The following CCDC3 variants were observed in gnomAD, a reference collection of about 807,000 sequenced individuals.
CCDC3 encodes the protein coiled-coil domain containing 3, also known as coiled-coil domain-containing protein 3.
CCDC3 carries 24 observed loss-of-function variants against 21.4 expected under a neutral mutation model. The observed-to-expected ratio is 1.12, with a 90% CI of 0.81 to 1.58. CCDC3 has a LOEUF of 1.58. Ranked by LOEUF, CCDC3 falls within the 40% of genes most tolerant of loss-of-function variation. The probability of loss-of-function intolerance (pLI) is 0.00; values close to 1 mark genes in which losing one functional copy is unlikely to be tolerated. For synonymous variants in CCDC3, 186 were observed against 166.0 expected, an observed-to-expected ratio of 1.12 and a Z score of -0.93; for missense variants, 425 against 360.9, an observed-to-expected ratio of 1.18 and a Z score of -1.44.
chr10:12,938,909 T>C (rs149733349), intron 2 of CCDC3, among the ~76,000 whole-genome samples: 20 of 152,330 alleles, frequency 1.3e-4, no homozygotes, highest in African/African-American at 4.8e-4. Context: ...TGCGTTCTGG[T>C]CCATAGCCCC....
chr10:12,988,782 T>C (rs1260843609), intron 2 of CCDC3, among the ~76,000 whole-genome samples: 1 of 152,192 alleles, frequency 6.6e-6, no homozygotes, highest in Non-Finnish European at 1.5e-5. Flanking sequence ...AGCTCTTTTC[T>C]CCTGTTCCCT....
At chr10:13,020,987 T>C (rs1158332061) in intron 5 of CCDC3, among the ~76,000 whole-genome samples, 1 of 152,256 alleles carries the variant, frequency 6.6e-6, no homozygotes, top group Non-Finnish European at 1.5e-5. Flanking sequence ...AATGAATGAA[T>C]GAATCAATAT....
intron 5 of CCDC3, among the ~76,000 whole-genome samples, chr10:13,030,197 A>T (rs917126020): frequency 1.3e-5 from 2 of 152,206 alleles, no homozygotes; most frequent in Non-Finnish European, 2.9e-5. Context: ...CAACATTCTT[A>T]AAGAAAAGAA....
chr10:12,931,141 G>A (rs1362758736), intron 2 of CCDC3, among the ~76,000 whole-genome samples: 3 of 149,898 alleles, frequency 2.0e-5, no homozygotes, highest in African/African-American at 7.4e-5. Context: ...AACCCAGGAG[G>A]CGGAGGTTAC....
At chr10:13,039,103 A>T (rs903524623) in intron 5 of CCDC3, among the ~76,000 whole-genome samples, 3 of 152,204 alleles carry the variant, frequency 2.0e-5, no homozygotes, top group African/African-American at 7.2e-5. Flanking sequence ...GGTTGTGGTC[A>T]TCTATCCATC....
chr10:12,980,526 G>C (rs974460860), intron 2 of CCDC3, among the ~76,000 whole-genome samples: 2 of 152,174 alleles, frequency 1.3e-5, no homozygotes, highest in East Asian at 3.9e-4. Context: ...CAGAAACACA[G>C]GGCAGACAGG....
intron 2 of CCDC3, among the ~76,000 whole-genome samples, chr10:12,972,627 A>T (rs1257516844): frequency 6.6e-6 from 1 of 152,002 alleles, no homozygotes; most frequent in Non-Finnish European, 1.5e-5. Context: ...GACCAGCCTG[A>T]CCAACATGGT....
intron 2 of CCDC3, among the ~76,000 whole-genome samples, chr10:12,927,826 A>G (rs1834569742): frequency 6.6e-6 from 1 of 152,220 alleles, no homozygotes. Context: ...ACTTTTTTCA[A>G]TTCAATTGCA....
intron 5 of CCDC3, among the ~76,000 whole-genome samples, chr10:13,037,134 T>C (rs375304703): frequency 7.9e-5 from 12 of 152,262 alleles, no homozygotes; most frequent in African/African-American, 2.9e-4. Context: ...CCCATGTTTT[T>C]ATATAAAATA....
chr10:13,001,588 C>A lies in CCDC3; in HGVS notation c.-18G>T. On this transcript the variant is annotated 5_prime_UTR_variant, in exon 1 of 3. Coordinates refer to ENST00000378825, the MANE Select transcript of CCDC3 (RefSeq NM_031455.4). ...CGCAGCATGCCGGGCCCTCCCGGGG[C>A]GCACGGGGCGGCGGCGGGGAGCCCG... 1.7e-6 allele frequency: 2 copies of A among 1,180,406 alleles called. No homozygotes were observed. Among genetic ancestry groups the A allele is most frequent in the East Asian group, 3.7e-5 (1 of 26,806 alleles). The allele number at this position is 1,180,406 out of a possible 1,614,324, so 73.1% of individuals were successfully genotyped here. A position where few individuals can be genotyped will look rare whatever the true frequency, so the allele number is the denominator to read the frequency against.
chr10:12,918,270 T>G (rs1265564610), intron 2 of CCDC3, among the ~76,000 whole-genome samples: 1 of 152,210 alleles, frequency 6.6e-6, no homozygotes, highest in Admixed American at 6.5e-5. Context: ...GATAGGATAT[T>G]CCTTTTTCAA....
chr10:13,016,888 T>C (rs1370657919), intron 5 of CCDC3, among the ~76,000 whole-genome samples: 2 of 152,028 alleles, frequency 1.3e-5, no homozygotes, highest in African/African-American at 2.4e-5. Context: ...ATTTATCCAG[T>C]GTGGGGACTA....
intron 2 of CCDC3, among the ~76,000 whole-genome samples, chr10:12,949,443 T>C (rs1291582890): frequency 1.3e-5 from 2 of 152,212 alleles, no homozygotes; most frequent in African/African-American, 2.4e-5. Flanking sequence ...GAGTTGAACT[T>C]AGCCACGGAG....
At chr10:13,046,172 A>T (rs1346596450) in intron 5 of CCDC3, among the ~76,000 whole-genome samples, 2 of 151,112 alleles carry the variant, frequency 1.3e-5, no homozygotes, top group Admixed American at 1.3e-4. Flanking sequence ...TTGGGAGGCC[A>T]AGGCAGGAGG....
chr10:13,064,297 T>C (rs1012248296), intron 4 of CCDC3, among the ~76,000 whole-genome samples: 2 of 152,196 alleles, frequency 1.3e-5, no homozygotes, highest in African/African-American at 4.8e-5. Context: ...TCAGGGGCTA[T>C]TAAACCTGTT....
chr10:13,081,579 T>C (rs1283224447), intron 3 of CCDC3, among the ~76,000 whole-genome samples: 2 of 152,224 alleles, frequency 1.3e-5, no homozygotes, highest in African/African-American at 4.8e-5. Context: ...ATCTATCTTC[T>C]CTTTTTATTT....
chr10:12,984,005 G>A lies in CCDC3; in HGVS notation c.549+14333C>T, dbSNP rs982484412. ...TGAGGTGGGAGAATCACCTGACCCC[G>A]GGAGACAGAGGCTGCATTGAGCCAA... On this transcript the variant is annotated intron_variant, in intron 2 of 2. Transcript: ENST00000378825. Among the ~76,000 whole-genome samples, 5 of 152,136 alleles carry A rather than the reference G, an allele frequency of 3.3e-5. No individual in the cohort carries two copies. In the South Asian group the frequency reaches 6.2e-4, roughly 19 times the overall value.
At chr10:12,901,372 C>A (rs745476275) in intron 2 of CCDC3, among the ~76,000 whole-genome samples, 1 of 152,084 alleles carries the variant, frequency 6.6e-6, no homozygotes, top group East Asian at 1.9e-4. Context: ...CGGGTTCAAG[C>A]GATTCTCCTG....
intron 2 of CCDC3, among the ~76,000 whole-genome samples, chr10:12,918,093 T>C (rs377308319): frequency 5.3e-5 from 8 of 152,340 alleles, no homozygotes; most frequent in African/African-American, 1.9e-4. Flanking sequence ...TCTCCCATAT[T>C]TTATTAAATA....
Sources: gnomAD v4.1 joint callset for allele counts (sites outside exome capture counted in the v4.1 genomes callset) on GRCh38, gnomAD v4.1.1 for gene constraint, MANE v1.5 for transcripts, NCBI Gene and HGNC (gene_info 2026-07-23, HGNC 2026-07-21) for gene names.